HS3ST5: variants seen among roughly 807,000 people sequenced by gnomAD.
HS3ST5 encodes heparan sulfate-glucosamine 3-sulfotransferase 5, also known as heparan sulfate glucosamine 3-O-sulfotransferase 5.
In HS3ST5, 10 loss-of-function variants were observed where a neutral mutation model predicts 25.4. The ratio of observed to expected loss-of-function variants is 0.39; its 90% CI spans 0.24 to 0.67. The LOEUF is 0.67. HS3ST5 is among the 30% of genes least tolerant of loss of function. The pLI is 0.44. For synonymous variants in HS3ST5, 170 were observed against 162.4 expected, an observed-to-expected ratio of 1.05 and a Z score of -0.36; for missense variants, 324 against 420.7, an observed-to-expected ratio of 0.77 and a Z score of 2.01.
intron 1 of HS3ST5, among the ~76,000 whole-genome samples, chr6:114,311,836 C>T (rs7773844): frequency 0.33 from 49,662 of 151,990 alleles, 8,977 homozygotes; most frequent in Non-Finnish European, 0.42. Context: ...AGCCACCGTG[C>T]CCAGCTGCAA....
intron 1 of HS3ST5, among the ~76,000 whole-genome samples, chr6:114,250,473 C>T (rs916778364): frequency 1.6e-4 from 24 of 151,498 alleles, no homozygotes; most frequent in African/African-American, 5.3e-4. Flanking sequence ...CCCAGCTACT[C>T]GGGAGGCTGA....
Position 114,307,707 on chromosome 6 carries a change from T to G in HS3ST5, c.-339+34488A>C, listed in dbSNP as rs540518910. 2.6e-4 allele frequency among the ~76,000 whole-genome samples: 39 copies of G among 152,240 alleles called. No homozygotes were observed. The East Asian group carries it at 7.1e-3, about 28-fold the overall frequency. ...TTGGCGTTTACTAGTGAGATGTGAT[T>G]TGCTTTCCTTTAATAGATAATAAAA... On this transcript the variant is annotated intron_variant, in intron 1 of 4. Coordinates refer to ENST00000312719, the MANE Select transcript of HS3ST5 (RefSeq NM_153612.4).
intron 1 of HS3ST5, among the ~76,000 whole-genome samples, chr6:114,306,578 C>T (rs1175006760): frequency 6.6e-6 from 1 of 151,862 alleles, no homozygotes; most frequent in Admixed American, 6.6e-5. Context: ...AAGTGTTATA[C>T]ATCAATGCAA....
At chr6:114,240,881 C>A (rs953865693) in intron 1 of HS3ST5, among the ~76,000 whole-genome samples, 3 of 152,108 alleles carry the variant, frequency 2.0e-5, no homozygotes, top group African/African-American at 7.2e-5. Flanking sequence ...GCTCTGGGTT[C>A]GCTGACAGTG....
chr6:114,283,425 T>C lies in HS3ST5; in HGVS notation c.-338-54647A>G, dbSNP rs1314378523. ...ATAAATGCTATCAAGACTACAAAAA[T>C]CACATAGGATTATATTCAGCAAAGT... On this transcript the variant is annotated intron_variant, in intron 1 of 4. Coordinates refer to ENST00000312719, the MANE Select transcript of HS3ST5 (RefSeq NM_153612.4). 3.9e-5 allele frequency among the ~76,000 whole-genome samples: 6 copies of C among 152,060 alleles called. No homozygotes were observed. In the South Asian group the frequency reaches 1.2e-3, roughly 32 times the overall value.
At chr6:114,315,857 T>C (rs1411112194) in intron 1 of HS3ST5, among the ~76,000 whole-genome samples, 1 of 152,212 alleles carries the variant, frequency 6.6e-6, no homozygotes, top group East Asian at 1.9e-4. Context: ...TTGCATAAAA[T>C]CACCTTGCAG....
chr6:114,199,728 A>G (rs191132860), intron 2 of HS3ST5, among the ~76,000 whole-genome samples: 1 of 152,284 alleles, frequency 6.6e-6, no homozygotes, highest in Non-Finnish European at 1.5e-5. Context: ...ATGTCTATAA[A>G]CCTTTTGAGA....
intron 3 of HS3ST5, among the ~76,000 whole-genome samples, chr6:114,123,889 T>TA (rs1206949544): frequency 1.3e-5 from 2 of 152,238 alleles, no homozygotes; most frequent in African/African-American, 4.8e-5. Context: ...CAGGATGTAC[T>TA]ACGGAGGAGA....
At chr6:114,143,797 T>C (rs1172440641) in intron 3 of HS3ST5, 1 of 152,430 alleles carries the variant, frequency 6.6e-6, no homozygotes, top group African/African-American at 2.4e-5. Context: ...TCCTACCTAA[T>C]AACTATTGAC....
At chr6:114,339,647 T>C (rs1776745785) in intron 1 of HS3ST5, among the ~76,000 whole-genome samples, 1 of 152,282 alleles carries the variant, frequency 6.6e-6, no homozygotes, top group Middle Eastern at 3.4e-3. Context: ...CATTACTCCA[T>C]AGAAATCACA....
chr6:114,224,685 T>C (rs955191424), intron 2 of HS3ST5, among the ~76,000 whole-genome samples: 132 of 126,754 alleles, frequency 1.0e-3, no homozygotes, highest in African/African-American at 3.6e-3. Context: ...CATATATATA[T>C]ACATATATAT....
intron 3 of HS3ST5, among the ~76,000 whole-genome samples, chr6:114,142,043 T>C (rs903990424): frequency 2.6e-5 from 4 of 152,160 alleles, no homozygotes; most frequent in Admixed American, 2.6e-4. Context: ...ATATTCATGA[T>C]ATTTCTTGGT....
At chr6:114,260,561 C>T (rs985799456) in intron 1 of HS3ST5, among the ~76,000 whole-genome samples, 2 of 152,194 alleles carry the variant, frequency 1.3e-5, no homozygotes, top group African/African-American at 4.8e-5. Context: ...GCACAGTTTT[C>T]TTTGGCAGTT....
intron 1 of HS3ST5, among the ~76,000 whole-genome samples, chr6:114,254,031 G>C (rs1365583746): frequency 6.6e-6 from 1 of 152,214 alleles, no homozygotes; most frequent in East Asian, 1.9e-4. Context: ...AGGCAGAAAA[G>C]AGAGAGGCCT....
intron 1 of HS3ST5, among the ~76,000 whole-genome samples, chr6:114,266,724 G>A (rs1773418588): frequency 6.6e-6 from 1 of 152,034 alleles, no homozygotes; most frequent in Admixed American, 6.6e-5. Context: ...CCAGCTTTTT[G>A]CAAATAATAT....
intron 1 of HS3ST5, among the ~76,000 whole-genome samples, chr6:114,240,101 C>T (rs1326839431): frequency 6.6e-6 from 1 of 151,946 alleles, no homozygotes; most frequent in Non-Finnish European, 1.5e-5. Context: ...TACTATTTAA[C>T]GAAGGCTCTC....
chr6:114,307,735 T>C (rs939993086), intron 1 of HS3ST5, among the ~76,000 whole-genome samples: 1 of 152,080 alleles, frequency 6.6e-6, no homozygotes, highest in African/African-American at 2.4e-5. Context: ...TAATAAAATA[T>C]TGATAGCAAT....
At chr6:114,153,263 C>G (rs900324157) in intron 3 of HS3ST5, among the ~76,000 whole-genome samples, 2 of 152,138 alleles carry the variant, frequency 1.3e-5, no homozygotes, top group African/African-American at 4.8e-5. Flanking sequence ...TGCGGGAGTG[C>G]CAGGTCCTAA....
At chr6:114,212,091 G>C (rs1479778576) in intron 2 of HS3ST5, among the ~76,000 whole-genome samples, 1 of 152,194 alleles carries the variant, frequency 6.6e-6, no homozygotes, top group Admixed American at 6.5e-5. Flanking sequence ...AGGGGTTTGT[G>C]TTAATGGAGT....
Sources: gnomAD v4.1 joint callset for allele counts (sites outside exome capture counted in the v4.1 genomes callset) on GRCh38, gnomAD v4.1.1 for gene constraint, MANE v1.5 for transcripts, NCBI Gene and HGNC (gene_info 2026-07-23, HGNC 2026-07-21) for gene names.